RBFOX2: variants seen among roughly 807,000 people sequenced by gnomAD.
RBFOX2 encodes RNA binding fox-1 homolog 2, also known as RNA binding protein fox-1 homolog 2.
A neutral mutation model predicts 49.1 loss-of-function variants in RBFOX2; 10 were observed. The observed-to-expected ratio is 0.20, with a 90% confidence interval of 0.13 to 0.35. The LOEUF is 0.35. RBFOX2 is among the 10% of genes least tolerant of loss of function. The pLI, the probability that RBFOX2 is intolerant of heterozygous loss-of-function variation, is 1.00. For missense variants in RBFOX2, 323 were observed against 486.9 expected (o/e 0.66, Z 3.17); for synonymous variants, 183 against 187.4 (o/e 0.98, Z 0.19).
intron 1 of RBFOX2, chr22:35,897,550 T>C: frequency 2.3e-6 from 2 of 873,398 alleles, no homozygotes; most frequent in Admixed American, 3.4e-5. Context: ...CCCTTTGCTG[T>C]GAGCCACAGC....
chr22:35,889,580 T>G (rs1037685534), intron 1 of RBFOX2, among the ~76,000 whole-genome samples: 1 of 152,180 alleles, frequency 6.6e-6, no homozygotes, highest in Non-Finnish European at 1.5e-5. Flanking sequence ...CTCTGCACTT[T>G]TACTCTCCTC....
intron 8 of RBFOX2, among the ~76,000 whole-genome samples, chr22:35,760,332 T>C (rs925112874): frequency 1.8e-4 from 28 of 152,208 alleles, no homozygotes; most frequent in Non-Finnish European, 2.9e-4. Flanking sequence ...CAAGAAGCTC[T>C]GAGAATGACT....
At chr22:35,989,718 C>T (rs796254474) in intron 1 of RBFOX2, among the ~76,000 whole-genome samples, 6 of 151,940 alleles carry the variant, frequency 3.9e-5, no homozygotes, top group African/African-American at 1.4e-4. Flanking sequence ...ACAGAAAGGA[C>T]GAAAAGTGGC....
At chr22:35,764,752 G>A (rs1485934277) in intron 6 of RBFOX2, among the ~76,000 whole-genome samples, 3 of 152,118 alleles carry the variant, frequency 2.0e-5, no homozygotes, top group South Asian at 4.1e-4. Context: ...AGAACAGTCT[G>A]CAAAACCACC....
chr22:35,812,847 G>A (rs991856891), intron 1 of RBFOX2, among the ~76,000 whole-genome samples: 4 of 152,202 alleles, frequency 2.6e-5, no homozygotes, highest in African/African-American at 7.2e-5. Context: ...TGAGACTCTG[G>A]CACACAAGTA....
At chr22:36,010,734 C>CACACAT (rs1388677485) in intron 1 of RBFOX2, among the ~76,000 whole-genome samples, 1 of 10,338 alleles carries the variant, frequency 9.7e-5, no homozygotes, top group Non-Finnish European at 2.6e-4. Flanking sequence ...CTGTTCAGTA[C>CACACAT]ACACACACAC....
chr22:35,819,224 T>TA (rs995013125), intron 1 of RBFOX2, among the ~76,000 whole-genome samples: 45 of 151,940 alleles, frequency 3.0e-4, no homozygotes, highest in Admixed American at 8.5e-4. Flanking sequence ...TATAAGTCTA[T>TA]AAAAAAAAGA....
intron 1 of RBFOX2, among the ~76,000 whole-genome samples, chr22:35,933,785 C>T (rs1356176155): frequency 6.6e-6 from 1 of 151,924 alleles, no homozygotes; most frequent in African/African-American, 2.4e-5. Context: ...CCACCTAAAA[C>T]TAGTAAACAA....
chr22:35,961,804 A>C, upstream of RBFOX2: 1 of 1,045,234 alleles, frequency 9.6e-7, no homozygotes, highest in Non-Finnish European at 1.2e-6. Context: ...AAATTTAGCT[A>C]CTTGGGATTC....
At chr22:35,764,548 G>A (rs1044976137) in intron 6 of RBFOX2, among the ~76,000 whole-genome samples, 1 of 144,352 alleles carries the variant, frequency 6.9e-6, no homozygotes, top group Non-Finnish European at 1.5e-5. Flanking sequence ...TTGCGCCAGT[G>A]CACTCCAGCC....
chr22:35,945,403 C>T (rs2054163636), intron 1 of RBFOX2, among the ~76,000 whole-genome samples: 1 of 152,198 alleles, frequency 6.6e-6, no homozygotes, highest in African/African-American at 2.4e-5. Context: ...CATGCAAAAA[C>T]TAATCCCAGC....
At chr22:35,754,617 G>GT (rs1369027826) in intron 9 of RBFOX2, among the ~76,000 whole-genome samples, 1 of 152,208 alleles carries the variant, frequency 6.6e-6, no homozygotes, top group Non-Finnish European at 1.5e-5. Context: ...AACATCATAT[G>GT]TAAGTCTGTG....
chr22:35,880,944 T>C (rs1164924722), intron 1 of RBFOX2, among the ~76,000 whole-genome samples: 1 of 152,222 alleles, frequency 6.6e-6, no homozygotes, highest in African/African-American at 2.4e-5. Flanking sequence ...TGATGGTTAC[T>C]GTAGGGGTAA....
At chr22:35,998,535 T>C (rs2150141519) in intron 1 of RBFOX2, 1 of 152,220 alleles carries the variant, frequency 6.6e-6, no homozygotes, top group Middle Eastern at 3.4e-3. Context: ...CACCACCACG[T>C]CCAGCTAATT....
intron 1 of RBFOX2, among the ~76,000 whole-genome samples, chr22:35,821,089 A>C (rs2148444861): frequency 6.6e-6 from 1 of 152,320 alleles, no homozygotes; most frequent in South Asian, 2.1e-4. Context: ...CAATTCTAGC[A>C]GTCCAAGATG....
chr22:35,738,762 C>G (rs1295640783), exon 12 of RBFOX2: 1 of 151,356 alleles, frequency 6.6e-6, no homozygotes, highest in Non-Finnish European at 1.5e-5. Flanking sequence ...TATTTAAAAA[C>G]AGTGCTTCAT....
At chr22:35,873,266 G>T (rs2044595316) in intron 1 of RBFOX2, among the ~76,000 whole-genome samples, 1 of 151,944 alleles carries the variant, frequency 6.6e-6, no homozygotes, top group African/African-American at 2.4e-5. Flanking sequence ...CATGTATCTG[G>T]GATTACAGGT....
At chr22:35,741,371 C>T (rs151061359) in exon 12 of RBFOX2, 9 of 152,416 alleles carry the variant, frequency 5.9e-5, no homozygotes, top group African/African-American at 2.2e-4. Flanking sequence ...CTCTAACAAA[C>T]TCACGAAATG....
At chr22:35,893,006 T>C (rs973666245) in intron 1 of RBFOX2, among the ~76,000 whole-genome samples, 1 of 152,234 alleles carries the variant, frequency 6.6e-6, no homozygotes, top group Admixed American at 6.5e-5. Context: ...TAGCTCCTTC[T>C]GCACGTCCTC....
Sources: allele counts gnomAD v4.1 joint callset (sites outside exome capture counted in the v4.1 genomes callset), GRCh38; gene constraint gnomAD v4.1.1; transcripts MANE v1.5; gene names NCBI Gene and HGNC (gene_info 2026-07-23, HGNC 2026-07-21).